FBXO16: variants seen among roughly 807,000 people sequenced by gnomAD.
The protein encoded by FBXO16 is F-box only protein 16.
In FBXO16, 31 loss-of-function variants were observed where a neutral mutation model predicts 41.0. That is an observed-to-expected ratio of 0.76 (90% CI 0.57 to 1.02). FBXO16 has a LOEUF of 1.02. Ranked by LOEUF, FBXO16 falls within the 50% of genes least tolerant of loss-of-function variation. The pLI, the probability that FBXO16 is intolerant of heterozygous loss-of-function variation, is 0.00. For synonymous variants in FBXO16, 133 were observed against 117.8 expected, an observed-to-expected ratio of 1.13 and a Z score of -0.84; for missense variants, 361 against 346.2, an observed-to-expected ratio of 1.04 and a Z score of -0.34.
At chr8:28,472,916 C>G (rs913680253) in intron 3 of FBXO16, among the ~76,000 whole-genome samples, 1 of 152,162 alleles carries the variant, frequency 6.6e-6, no homozygotes. Context: ...TTGACCCTGA[C>G]AGTAGCTGTT....
rs1803092941 is a variant in FBXO16, at chr8:28,459,631, ATAAT to A, written c.343-2705_343-2702del. Among the ~76,000 whole-genome samples, 16 of 134,316 alleles carry A rather than the reference ATAAT, an allele frequency of 1.2e-4. 1 individual carries two copies. The highest frequency in any genetic ancestry group is 3.9e-4 in the African/African-American group (14 of 35,514). 88.1% of individuals were successfully genotyped at this position (134,316 alleles called of 152,430 possible). A position where few individuals can be genotyped will look rare whatever the true frequency, so the allele number is the denominator to read the frequency against. On this transcript the variant is annotated intron_variant, in intron 4 of 8. Transcript: ENST00000380254. ...GCGAGACCCTGTCTCAAAAATAATA[ATAAT>A]AATAATAATAATAATAATAATAATA...
At chr8:28,466,012 G>A (rs1384569484) in intron 3 of FBXO16, among the ~76,000 whole-genome samples, 2 of 152,086 alleles carry the variant, frequency 1.3e-5, no homozygotes, top group African/African-American at 4.8e-5. Flanking sequence ...GGCCGAGGCC[G>A]GTGGATTACG....
chr8:28,489,348 C>CA (rs1254852370), intron 1 of FBXO16, among the ~76,000 whole-genome samples: 1 of 151,304 alleles, frequency 6.6e-6, no homozygotes, highest in East Asian at 1.9e-4. Flanking sequence ...TCTTGAAAAA[C>CA]AAAAAAACAC....
chr8:28,468,167 G>A (rs989592127), intron 3 of FBXO16, among the ~76,000 whole-genome samples: 1 of 152,184 alleles, frequency 6.6e-6, no homozygotes, highest in Admixed American at 6.5e-5. Flanking sequence ...GGGACCTCAT[G>A]TATGAGATTG....
At chr8:28,486,392 T>G (rs1302197011) in intron 1 of FBXO16, among the ~76,000 whole-genome samples, 1 of 151,872 alleles carries the variant, frequency 6.6e-6, no homozygotes, top group Admixed American at 6.6e-5. Flanking sequence ...GCCCAGCTAA[T>G]TTTATAGTTT....
chr8:28,434,414 T>C (rs775339776), intron 7 of FBXO16, among the ~76,000 whole-genome samples: 17 of 152,162 alleles, frequency 1.1e-4, no homozygotes, highest in Non-Finnish European at 2.1e-4. Flanking sequence ...TAGATAAATA[T>C]AGTAACAACA....
chr8:28,486,984 T>C (rs1432346421), intron 1 of FBXO16, among the ~76,000 whole-genome samples: 4 of 152,098 alleles, frequency 2.6e-5, no homozygotes, highest in Non-Finnish European at 5.9e-5. Context: ...ACCCCTGCTC[T>C]ATGCTGAACA....
chr8:28,435,101 G>A (rs569935367), intron 7 of FBXO16, among the ~76,000 whole-genome samples: 1 of 152,138 alleles, frequency 6.6e-6, no homozygotes, highest in African/African-American at 2.4e-5. Context: ...ACACTTGGTG[G>A]GTCCTGAGCT....
At chr8:28,470,510 A>G (rs1277862296) in intron 3 of FBXO16, among the ~76,000 whole-genome samples, 1 of 152,260 alleles carries the variant, frequency 6.6e-6, no homozygotes. Context: ...ACATTTTAAC[A>G]GATCCTGTCA....
At chr8:28,429,556 G>T in intron 7 of FBXO16, 153 bp from the exon 8 acceptor site, 1 of 800,172 alleles carries the variant, frequency 1.2e-6, no homozygotes, top group East Asian at 2.7e-5. Context: ...GGATTGGGCT[G>T]AACACAGATA....
At position 28,456,764 on chromosome 8, in the gene FBXO16, A is replaced by G. The variant is rs1803044731; in HGVS notation, c.507+2T>C. ...GCTTGTGGCTTTCTGTCTAAAATTCACCTTAGGCTTGGTAATATGAAGTTC... is the reference window on the plus strand; with the variant it reads ...GCTTGTGGCTTTCTGTCTAAAATTCGCCTTAGGCTTGGTAATATGAAGTTC... On this transcript the variant is annotated splice_donor_variant, in intron 5 of 8. Transcript: ENST00000380254. LOFTEE classifies it high-confidence loss of function. 1 of 1,612,670 alleles carries G rather than the reference A, an allele frequency of 6.2e-7. No individual in the cohort carries two copies. Among genetic ancestry groups the G allele is most frequent in the East Asian group, 2.2e-5 (1 of 44,864 alleles).
At position 28,428,591 on chromosome 8, in the gene FBXO16, A is replaced by T; in HGVS notation, c.*136T>A. ...CCACTTTGGCTCTGGAACCTGGATG[A>T]GTCATGCTTGGGGCCCAGGGTGCCT... On this transcript the variant is annotated 3_prime_UTR_variant, in exon 9 of 9. Coordinates refer to ENST00000380254, the MANE Select transcript of FBXO16 (RefSeq NM_172366.4). 5.2e-6 allele frequency: 8 copies of T among 1,551,106 alleles called. No individual in the cohort carries two copies. The South Asian group carries it at 9.5e-5, about 18-fold the overall frequency.
intron 7 of FBXO16, among the ~76,000 whole-genome samples, chr8:28,431,990 G>A (rs929459540): frequency 2.8e-5 from 4 of 144,514 alleles, no homozygotes; most frequent in Non-Finnish European, 5.9e-5. Context: ...TCTACTTCCA[G>A]TGATACTGCA....
chr8:28,468,031 T>G (rs575718033), intron 3 of FBXO16, among the ~76,000 whole-genome samples: 46 of 152,286 alleles, frequency 3.0e-4, no homozygotes, highest in Non-Finnish European at 5.3e-4. Flanking sequence ...CTCTACAATT[T>G]AGAAGGTGCT....
At chr8:28,466,050 A>C (rs562898284) in intron 3 of FBXO16, among the ~76,000 whole-genome samples, 114 of 151,492 alleles carry the variant, frequency 7.5e-4, no homozygotes, top group Non-Finnish European at 3.5e-4. Flanking sequence ...GACCAGCCTG[A>C]CCAACATGGA....
intron 1 of FBXO16, among the ~76,000 whole-genome samples, chr8:28,486,142 C>G (rs984760691): frequency 6.6e-6 from 1 of 151,176 alleles, no homozygotes; most frequent in African/African-American, 2.4e-5. Flanking sequence ...CAAAGTGTAG[C>G]CACTGAGTCT....
intron 7 of FBXO16, among the ~76,000 whole-genome samples, chr8:28,444,496 T>C (rs1341233996): frequency 6.7e-6 from 1 of 149,508 alleles, no homozygotes; most frequent in Non-Finnish European, 1.5e-5. Context: ...TTTTTTTTTT[T>C]TGAGACGGAG....
intron 4 of FBXO16, among the ~76,000 whole-genome samples, chr8:28,462,276 TC>T (rs766852311): frequency 2.2e-5 from 3 of 133,430 alleles, no homozygotes; most frequent in Non-Finnish European, 4.6e-5. Context: ...TTCTTCTTCT[TC>T]TTTTTTTTTT....
At chr8:28,464,196 A>G (rs934308368) in intron 3 of FBXO16, among the ~76,000 whole-genome samples, 1 of 152,252 alleles carries the variant, frequency 6.6e-6, no homozygotes, top group Admixed American at 6.5e-5. Context: ...AGTGCTTAAA[A>G]CAGCAGGACC....
Sources: allele counts gnomAD v4.1 joint callset (sites outside exome capture counted in the v4.1 genomes callset), GRCh38; gene constraint gnomAD v4.1.1; transcripts MANE v1.5; gene names NCBI Gene and HGNC (gene_info 2026-07-23, HGNC 2026-07-21).